JAKMIP3: variants seen among roughly 807,000 people sequenced by gnomAD.
JAKMIP3 encodes janus kinase and microtubule-interacting protein 3.
Under a neutral mutation model 118.5 loss-of-function variants are expected in JAKMIP3, and 58 were observed. The ratio of observed to expected loss-of-function variants is 0.49; its 90% CI spans 0.40 to 0.61. The LOEUF is 0.61. JAKMIP3 is among the 20% of genes least tolerant of loss of function. The pLI is 0.00. For missense variants in JAKMIP3, 950 were observed against 1,109.0 expected (o/e 0.86, Z 2.04); for synonymous variants, 486 against 451.2 (o/e 1.08, Z -0.98).
In JAKMIP3 at chr10:132,179,317, C is replaced by T. The variant is rs1417911150; in HGVS notation, c.*1104-3040C>T. ...TTGTTGACGGGACTTTTGGGCTCCC[C>T]GGGCTCTGAGCTGGTTGGGGCTCCA... On this transcript the variant is annotated intron_variant, in intron 23 of 23. Transcript: ENST00000684848. The surrounding 1 kb of genome is among the most constrained non-coding windows in gnomAD (Gnocchi z 4.3). 1.3e-5 allele frequency among the ~76,000 whole-genome samples: 2 copies of T among 152,114 alleles called. No homozygotes were observed. The highest frequency in any genetic ancestry group is 2.4e-5 in the African/African-American group (1 of 41,416).
chr10:132,088,221 C>T (rs1487975594), intron 1 of JAKMIP3, among the ~76,000 whole-genome samples: 2 of 151,994 alleles, frequency 1.3e-5, no homozygotes, highest in Non-Finnish European at 2.9e-5. Flanking sequence ...GGGTATATAC[C>T]CAGTAATGGG....
rs1279708161 is a variant in JAKMIP3 at position 132,153,762 on chromosome 10, C to T, written c.2077C>T (p.Leu693Phe). The change falls in exon 18 of 24, where the codon CTC (leucine) becomes TTC (phenylalanine). Residue 693 changes from leucine (L) to phenylalanine (F), a missense_variant. Leu to Phe is a conservative substitution (Grantham distance 22). Transcript: ENST00000684848. Reference sequence around the variant, plus strand: ...TGCTTGTTCTGTTTGTGTCCAGTGGCTCCAGCAGATTGAGGAGACAGAGGC... The same window carrying T: ...TGCTTGTTCTGTTTGTGTCCAGTGGTTCCAGCAGATTGAGGAGACAGAGGC... ...RTVLTLAEKWLQQIEETEAAL... is the reference protein window; with the variant it reads ...RTVLTLAEKWFQQIEETEAAL... The T allele has an allele frequency of 6.2e-7, 1 of 1,613,120 alleles. No individual in the cohort carries two copies. The highest frequency in any genetic ancestry group is 1.1e-5 in the South Asian group (1 of 91,048).
chr10:132,163,259 C>G lies in JAKMIP3; in HGVS notation c.2271C>G (p.Ala757=), dbSNP rs749726105. ...AMLYDALQQE[A]GAKVAELLSE... is the part of the protein sequence containing the mutation. ...TGTATGATGCCCTGCAGCAGGAGGCCGGGGCTAAGGTGGCTGAGCTGCTGT... is the reference window on the plus strand; with the variant it reads ...TGTATGATGCCCTGCAGCAGGAGGCGGGGGCTAAGGTGGCTGAGCTGCTGT... Residue 757 remains alanine, a synonymous_variant, in exon 20 of 24, where the codon GCC becomes GCG. Transcript: ENST00000684848. The G allele has an allele frequency of 6.3e-7, 1 of 1,585,644 alleles. No homozygotes were observed. Among genetic ancestry groups the G allele is most frequent in the Admixed American group, 1.8e-5 (1 of 55,406 alleles).
intron 23 of JAKMIP3, among the ~76,000 whole-genome samples, chr10:132,173,711 C>CTGGTGGTCTGTGGTGTGTCTGTG (rs2059855664): frequency 7.9e-6 from 1 of 126,516 alleles, no homozygotes; most frequent in Non-Finnish European, 1.8e-5. Flanking sequence ...GTGGTATGTT[C>CTGGTGGTCTGTGGTGTGTCTGTG]ATGGTGGTGT....
At chr10:132,172,979 C>CT in intron 23 of JAKMIP3, among the ~76,000 whole-genome samples, 1 of 85,876 alleles carries the variant, frequency 1.2e-5, no homozygotes, top group Non-Finnish European at 2.5e-5. Context: ...CTCTCTCCTT[C>CT]CCTCTCTCTC....
At chr10:132,048,614 T>C (rs1270007216) in intron 1 of JAKMIP3, among the ~76,000 whole-genome samples, 3 of 152,076 alleles carry the variant, frequency 2.0e-5, no homozygotes, top group Non-Finnish European at 4.4e-5. Context: ...TTTTGTTAAG[T>C]ATTTCCTTAC....
rs2060561879 is a variant in JAKMIP3, at chr10:132,179,902, C to A, written c.*1104-2455C>A. On this transcript the variant is annotated intron_variant, in intron 23 of 23. Coordinates refer to ENST00000684848, the MANE Select transcript of JAKMIP3 (RefSeq NM_001323087.2). This position sits in a 1 kb window ranked among gnomAD's most constrained non-coding sequence, Gnocchi z 4.3. ...AGACTTCCTGTGCTCTCTCCCCTCC[C>A]ATGCTCTTCCCCCTGTGAGGTGCAC... 6.6e-6 allele frequency among the ~76,000 whole-genome samples: 1 copy of A among 152,154 alleles called. No homozygotes were observed. Among genetic ancestry groups the A allele is most frequent in the African/African-American group, 2.4e-5 (1 of 41,422 alleles).
chr10:132,147,697 C>T (rs567305244), intron 13 of JAKMIP3, among the ~76,000 whole-genome samples: 80 of 152,364 alleles, frequency 5.3e-4, no homozygotes, highest in African/African-American at 1.4e-3. Flanking sequence ...CTCAGGGCCC[C>T]GATATGATCG....
Position 132,071,962 on chromosome 10 carries a change from C to G in JAKMIP3, c.-138+5901C>G, listed in dbSNP as rs560425090. Among the ~76,000 whole-genome samples the G allele has an allele frequency of 5.0e-3, 219 of 43,750 alleles. 1 individual carries two copies. Among genetic ancestry groups the G allele is most frequent in the Non-Finnish European group, 3.4e-3 (85 of 24,924 alleles). 28.7% of individuals were successfully genotyped at this position (43,750 alleles called of 152,430 possible). On this transcript the variant is annotated intron_variant, in intron 1 of 23. Transcript: ENST00000684848. ...TTTTTTTCCTTTCTTTCTTTCCTTT[C>G]TTTTTTGAGATGGAGTTTTACTTCT...
At chr10:132,150,142 C>T in intron 16 of JAKMIP3, 101 bp downstream of exon 16, 1 of 885,562 alleles carries the variant, frequency 1.1e-6, no homozygotes, top group South Asian at 1.5e-5. Flanking sequence ...ACAGCCCTGC[C>T]ATGGGCCACC....
intron 19 of JAKMIP3, among the ~76,000 whole-genome samples, chr10:132,159,829 C>T (rs1323699294): frequency 3.5e-5 from 2 of 57,276 alleles, no homozygotes; most frequent in African/African-American, 1.1e-4. Flanking sequence ...TGGGGGGCCT[C>T]TCCCTGTGTG....
Position 132,117,990 on chromosome 10 carries a change from C to A in JAKMIP3, c.633+416C>A, listed in dbSNP as rs569005477. ...ACACCAGGCAGGGCTCAGTGTTTCGCAGCAGGAGTCCCACACATCCTCACG... is the reference window on the plus strand; with the variant it reads ...ACACCAGGCAGGGCTCAGTGTTTCGAAGCAGGAGTCCCACACATCCTCACG... On this transcript the variant is annotated intron_variant, in intron 3 of 23. Transcript: ENST00000684848. This position sits in a 1 kb window ranked among gnomAD's most constrained non-coding sequence, Gnocchi z 8.6. Among the ~76,000 whole-genome samples, 2 of 152,278 alleles carry A rather than the reference C, an allele frequency of 1.3e-5. No homozygotes were observed. Among genetic ancestry groups the A allele is most frequent in the South Asian group, 4.1e-4 (2 of 4,822 alleles).
At chr10:132,163,078 TG>T in intron 19 of JAKMIP3, 130 bp from the exon 20 acceptor site, 1 of 856,678 alleles carries the variant, frequency 1.2e-6, no homozygotes, top group Non-Finnish European at 1.8e-6. Flanking sequence ...GCCACAGCAC[TG>T]GGTCCCTCCC....
At chr10:132,138,544 A>AACAATTT (rs1183983343) in intron 9 of JAKMIP3, among the ~76,000 whole-genome samples, 1 of 152,250 alleles carries the variant, frequency 6.6e-6, no homozygotes, top group Admixed American at 6.5e-5. Flanking sequence ...GAGATGAAAA[A>AACAATTT]ACAATTTTAT....
At chr10:132,151,872 T>C (rs2056281884) in intron 16 of JAKMIP3, among the ~76,000 whole-genome samples, 1 of 152,228 alleles carries the variant, frequency 6.6e-6, no homozygotes, top group Non-Finnish European at 1.5e-5. Context: ...TCAGGGGACC[T>C]GTGGAGATGC....
intron 23 of JAKMIP3, among the ~76,000 whole-genome samples, chr10:132,180,550 C>CGCGT (rs1565018193): frequency 1.6e-4 from 1 of 6,356 alleles, no homozygotes; most frequent in African/African-American, 8.3e-4. Flanking sequence ...TGTGTGCGTG[C>CGCGT]GTGCATGCGT....
At chr10:132,105,063 A>C in intron 2 of JAKMIP3, 120 bp downstream of exon 2, 7 of 1,208,786 alleles carry the variant, frequency 5.8e-6, no homozygotes, top group Non-Finnish European at 8.1e-6. Context: ...CCCAGTCCTA[A>C]AGGCTGCTTG....
chr10:132,153,546 T>G (rs556041337), intron 17 of JAKMIP3, among the ~76,000 whole-genome samples: 1 of 152,126 alleles, frequency 6.6e-6, no homozygotes, highest in East Asian at 1.9e-4. Flanking sequence ...GGAGAAGGTG[T>G]CAGGGGTAGA....
rs116282930 is a variant in JAKMIP3 at position 132,152,258 on chromosome 10, G to A, written c.2008-700G>A. ...AGCAAGAGATGCCTGCTGTTAGGGA[G>A]CTTGCACTCTAGGGAGAGAATGGCA... On this transcript the variant is annotated intron_variant, in intron 16 of 23. Transcript: ENST00000684848. 8.9e-3 allele frequency among the ~76,000 whole-genome samples: 1,356 copies of A among 152,350 alleles called. 22 individuals are homozygous for A. The highest frequency in any genetic ancestry group is 0.031 in the African/African-American group (1,297 of 41,588).
Sources: allele counts gnomAD v4.1 joint callset (sites outside exome capture counted in the v4.1 genomes callset), GRCh38; gene constraint gnomAD v4.1.1; non-coding constraint Gnocchi (gnomAD v3.1); transcripts MANE v1.5; gene names NCBI Gene and HGNC (gene_info 2026-07-23, HGNC 2026-07-21).